SYCP1: variants seen among roughly 807,000 people sequenced by gnomAD.
SYCP1 encodes cancer/testis antigen 8.
SYCP1 carries 64 observed loss-of-function variants against 153.1 expected under a neutral mutation model. That is an observed-to-expected ratio of 0.42 (90% CI 0.34 to 0.51). The LOEUF is 0.51. SYCP1 is among the 20% of genes least tolerant of loss of function. The pLI, the probability that SYCP1 is intolerant of heterozygous loss-of-function variation, is 0.06. For missense variants in SYCP1, 997 were observed against 1,049.0 expected (o/e 0.95, Z 0.68); for synonymous variants, 384 against 341.8 (o/e 1.12, Z -1.36).
In SYCP1 at chr1:114,859,784, A is replaced by G. The variant is rs1207184800; in HGVS notation, c.498A>G (p.Ile166Met). Reference sequence around the variant, plus strand: ...TAAGTTTGAAATTAGAAGAAGGAATACAAGAAAATAAAGATTTAATAAAAG... The same window carrying G: ...TAAGTTTGAAATTAGAAGAAGGAATGCAAGAAAATAAAGATTTAATAAAAG... ...EKVSLKLEEG[I>M]QENKDLIKEN... is the part of the protein sequence containing the mutation. The change falls in exon 7 of 32, where the codon ATA becomes ATG. Residue 166 changes from isoleucine (I) to methionine (M), a missense_variant. Physicochemically the swap from Ile to Met is conservative, Grantham distance 10. Around this residue, in one of 2 missense-constraint regions of SYCP1, gnomAD observed 285 missense variants for 366.1 expected, o/e 0.78. Coordinates refer to ENST00000369522, the MANE Select transcript of SYCP1 (RefSeq NM_003176.4). 1.3e-6 allele frequency: 1 copy of G among 773,532 alleles called. No homozygotes were observed. Among genetic ancestry groups the G allele is most frequent in the Non-Finnish European group, 1.8e-6 (1 of 540,852 alleles). 47.9% of individuals were successfully genotyped at this position (773,532 alleles called of 1,614,324 possible).
At position 114,944,356 on chromosome 1, in the gene SYCP1, A is replaced by G. The variant is rs755028591; in HGVS notation, c.1944A>G (p.Leu648=). Residue 648 remains leucine, a synonymous_variant, in exon 24 of 32, where the codon TTA becomes TTG. Coordinates refer to ENST00000369522, the MANE Select transcript of SYCP1 (RefSeq NM_003176.4). Reference sequence around the variant, plus strand: ...ACTTAAAGGTCAATAAATTAGAGTTAGAACTAGAAAGTGCCAAACAGAAAT... The same window carrying G: ...ACTTAAAGGTCAATAAATTAGAGTTGGAACTAGAAAGTGCCAAACAGAAAT... ...VYEIKVNKLE[L]ELESAKQKFG... is the part of the protein sequence containing the mutation. 2 of 1,600,544 alleles carry G rather than the reference A, an allele frequency of 1.2e-6. No individual in the cohort carries two copies. The highest frequency in any genetic ancestry group is 8.5e-7 in the Non-Finnish European group (1 of 1,171,832).
chr1:114,939,389 C>T lies in SYCP1; in HGVS notation c.1927-4950C>T, dbSNP rs190048463. On this transcript the variant is annotated intron_variant, in intron 23 of 31. Coordinates refer to ENST00000369522, the MANE Select transcript of SYCP1 (RefSeq NM_003176.4). Reference sequence around the variant, plus strand: ...TATCCACAATGATAAAAAATGGAAACACATAAAATGTTCATTAAGAAGAGA... The same window carrying T: ...TATCCACAATGATAAAAAATGGAAATACATAAAATGTTCATTAAGAAGAGA... 5.3e-5 allele frequency among the ~76,000 whole-genome samples: 8 copies of T among 152,104 alleles called. No individual in the cohort carries two copies. In the East Asian group the frequency reaches 1.5e-3, roughly 29 times the overall value.
chr1:114,947,911 CT>C (rs529889203), intron 27 of SYCP1, among the ~76,000 whole-genome samples: 14 of 143,604 alleles, frequency 9.7e-5, no homozygotes, highest in South Asian at 2.2e-4. Flanking sequence ...AGCATGTTTC[CT>C]TTTTTTTTAT....
intron 15 of SYCP1, among the ~76,000 whole-genome samples, chr1:114,893,397 C>T (rs1322864201): frequency 6.6e-6 from 1 of 151,778 alleles, no homozygotes; most frequent in Non-Finnish European, 1.5e-5. Flanking sequence ...CTATCTCTAT[C>T]TCTCTATCTA....
At chr1:114,892,425 C>G (rs541086147) in intron 15 of SYCP1, among the ~76,000 whole-genome samples, 6 of 152,250 alleles carry the variant, frequency 3.9e-5, no homozygotes, top group African/African-American at 1.4e-4. Context: ...GCTTCAGCCC[C>G]AGGCATCAGC....
At chr1:114,959,479 G>A (rs913846090) in intron 27 of SYCP1, among the ~76,000 whole-genome samples, 3 of 151,956 alleles carry the variant, frequency 2.0e-5, no homozygotes, top group African/African-American at 7.3e-5. Context: ...GTATATTTAT[G>A]GGGTGTATGG....
At chr1:114,936,576 T>G (rs1294590433) in intron 23 of SYCP1, among the ~76,000 whole-genome samples, 1 of 152,074 alleles carries the variant, frequency 6.6e-6, no homozygotes, top group Non-Finnish European at 1.5e-5. Flanking sequence ...GAGAAAGAAA[T>G]AAAGGCTATT....
chr1:114,910,983 G>A (rs1202130193), intron 17 of SYCP1, among the ~76,000 whole-genome samples: 1 of 151,884 alleles, frequency 6.6e-6, no homozygotes, highest in East Asian at 1.9e-4. Flanking sequence ...TAGGTTCTTA[G>A]TTTATAGTAC....
intron 30 of SYCP1, among the ~76,000 whole-genome samples, chr1:114,986,736 C>T (rs1224481796): frequency 1.3e-5 from 2 of 151,928 alleles, no homozygotes; most frequent in African/African-American, 4.8e-5. Flanking sequence ...TAGGAAGTGC[C>T]AGGAATCCAT....
chr1:114,965,475 T>C (rs541285267), intron 27 of SYCP1, among the ~76,000 whole-genome samples: 1 of 152,332 alleles, frequency 6.6e-6, no homozygotes, highest in South Asian at 2.1e-4. Context: ...GCCTATTCAG[T>C]ATGATATTGG....
chr1:114,926,594 A>G, intron 23 of SYCP1, 31 bp downstream of exon 23: 1 of 1,506,000 alleles, frequency 6.6e-7, no homozygotes, highest in Non-Finnish European at 9.0e-7. Flanking sequence ...TGTTTTTTAA[A>G]TACTAATAGA....
At chr1:114,897,075 G>A (rs1428246995) in intron 16 of SYCP1, among the ~76,000 whole-genome samples, 1 of 152,132 alleles carries the variant, frequency 6.6e-6, no homozygotes, top group Non-Finnish European at 1.5e-5. Flanking sequence ...CAGGCTGGTC[G>A]GAGGTTCTCC....
chr1:114,879,297 CTT>C (rs1352391269), intron 12 of SYCP1, among the ~76,000 whole-genome samples: 1 of 152,152 alleles, frequency 6.6e-6, no homozygotes, highest in Non-Finnish European at 1.5e-5. Flanking sequence ...AGAACATTCT[CTT>C]GTCTTCACAT....
rs1409322454 is a variant in SYCP1 at position 114,985,523 on chromosome 1, T to C, written c.2703+655T>C. On this transcript the variant is annotated intron_variant, in intron 30 of 31. Transcript: ENST00000369522. ...AACCATACCAGAGTAAATGGAGCAATGCACCAAAAATTCTTAATGACAAAA... is the reference window on the plus strand; with the variant it reads ...AACCATACCAGAGTAAATGGAGCAACGCACCAAAAATTCTTAATGACAAAA... Among the ~76,000 whole-genome samples the C allele has an allele frequency of 7.9e-5, 12 of 152,090 alleles. No homozygotes were observed. In the South Asian group the frequency reaches 2.3e-3, roughly 29 times the overall value.
intron 23 of SYCP1, among the ~76,000 whole-genome samples, chr1:114,931,096 A>C (rs565860759): frequency 1.2e-3 from 189 of 152,014 alleles, no homozygotes; most frequent in Non-Finnish European, 2.2e-3. Context: ...TAAAAAAAAA[A>C]CTTCCAGCAA....
intron 27 of SYCP1, among the ~76,000 whole-genome samples, chr1:114,964,316 T>A (rs1408132291): frequency 3.3e-5 from 5 of 152,228 alleles, no homozygotes; most frequent in African/African-American, 1.2e-4. Context: ...TCTCCCATTC[T>A]GTAGGTTGCC....
chr1:114,871,751 A>T (rs1289609615), intron 8 of SYCP1, among the ~76,000 whole-genome samples: 1 of 151,650 alleles, frequency 6.6e-6, no homozygotes, highest in Non-Finnish European at 1.5e-5. Flanking sequence ...GTAATATGCT[A>T]ATTTTTGTAT....
intron 8 of SYCP1, among the ~76,000 whole-genome samples, chr1:114,865,180 A>G (rs1416264611): frequency 6.6e-6 from 1 of 152,034 alleles, no homozygotes; most frequent in Non-Finnish European, 1.5e-5. Context: ...AGTTGTATCC[A>G]ATAATGCCAA....
chr1:114,926,457 T>G, intron 22 of SYCP1, 44 bp from the exon 23 acceptor site: 1 of 1,504,566 alleles, frequency 6.6e-7, no homozygotes, highest in Admixed American at 2.1e-5. Flanking sequence ...AAGGTAAGTT[T>G]GAATAACTTT....
Sources: gnomAD v4.1 joint callset for allele counts (sites outside exome capture counted in the v4.1 genomes callset) on GRCh38, gnomAD v4.1.1 for gene constraint, gnomAD v4.1.1 regional missense constraint, MANE v1.5 for transcripts, NCBI Gene and HGNC (gene_info 2026-07-23, HGNC 2026-07-21) for gene names.